Variants in MTUS1 observed in about 807,000 individuals in gnomAD.
The protein encoded by MTUS1 is microtubule associated scaffold protein 1.
Under a neutral mutation model 120.8 loss-of-function variants are expected in MTUS1, and 109 were observed. The observed-to-expected ratio is 0.90, with a 90% confidence interval of 0.77 to 1.06. The LOEUF (loss-of-function observed/expected upper bound fraction) is 1.06, where lower values mean the gene tolerates loss of function less well. Among genes scored for constraint, MTUS1 ranks in the 50% least tolerant of loss-of-function variants. The pLI is 0.00. For missense variants in MTUS1, 2,210 were observed against 1,486.3 expected (o/e 1.49, Z -8.01); for synonymous variants, 737 against 550.5 (o/e 1.34, Z -4.74).
chr8:17,703,238 C>A (rs767551195), intron 6 of MTUS1, among the ~76,000 whole-genome samples: 34 of 152,136 alleles, frequency 2.2e-4, no homozygotes, highest in Non-Finnish European at 8.8e-5. Context: ...TCGTTAAATT[C>A]TTTTCCTAGC....
rs1373455614 is a variant in MTUS1, at chr8:17,754,883, CT to C, written c.924del (p.Glu309SerfsTer29). 1 of 1,614,222 alleles carries C rather than the reference CT, an allele frequency of 6.2e-7. No homozygotes were observed. Among genetic ancestry groups the C allele is most frequent in the South Asian group, 1.1e-5 (1 of 91,090 alleles). On this transcript the variant is annotated frameshift_variant, in exon 2 of 15. Coordinates refer to ENST00000693296, the MANE Select transcript of MTUS1 (RefSeq NM_001363059.2). LOFTEE classifies it high-confidence loss of function. ...GMEVPNDSALQEFFCLSHDES... is the reference protein window; with the variant it reads ...GMEVPNDSALXEFFCLSHDES... ...TCATCATGGGATAAACAAAAGAACT[CT>C]TGTAATGCAGAATCATTGGGGACTT...
intron 1 of MTUS1, among the ~76,000 whole-genome samples, chr8:17,771,038 T>C (rs1020373460): frequency 1.2e-4 from 19 of 152,276 alleles, no homozygotes; most frequent in East Asian, 3.9e-4. Flanking sequence ...TATAATATAA[T>C]TGGAATTTAG....
intron 1 of MTUS1, among the ~76,000 whole-genome samples, chr8:17,780,312 C>T (rs930931536): frequency 1.2e-4 from 18 of 152,224 alleles, no homozygotes; most frequent in African/African-American, 4.3e-4. Flanking sequence ...ATCAGAAGCA[C>T]ATGCCAGCAA....
At chr8:17,708,590 A>G (rs1820624453) in intron 6 of MTUS1, among the ~76,000 whole-genome samples, 1 of 152,232 alleles carries the variant, frequency 6.6e-6, no homozygotes, top group African/African-American at 2.4e-5. Flanking sequence ...CAGTTTTCTG[A>G]TAATGGTTAA....
chr8:17,725,899 T>C (rs146350653), intron 3 of MTUS1, among the ~76,000 whole-genome samples: 1,827 of 152,308 alleles, frequency 0.012, 27 homozygotes, highest in Middle Eastern at 0.041. Flanking sequence ...ATCTATAGGA[T>C]GGTGATCGTA....
chr8:17,707,924 C>T (rs73204279), intron 6 of MTUS1, among the ~76,000 whole-genome samples: 6,461 of 152,214 alleles, frequency 0.042, 162 homozygotes, highest in Middle Eastern at 0.066. Flanking sequence ...AGAATTAGAC[C>T]TTCTATCTCA....
At chr8:17,679,505 TTATTTATTTA>T (rs1256997890) in intron 7 of MTUS1, among the ~76,000 whole-genome samples, 2 of 92,042 alleles carry the variant, frequency 2.2e-5, no homozygotes, top group Non-Finnish European at 5.2e-5. Context: ...ATTTATTTAT[TTATTTATTTA>T]TTTTTTGAGA....
chr8:17,736,078 G>A (rs935227556), intron 3 of MTUS1, among the ~76,000 whole-genome samples: 2 of 152,144 alleles, frequency 1.3e-5, no homozygotes, highest in African/African-American at 4.8e-5. Flanking sequence ...CTAGTACACT[G>A]CCCAACACAG....
At chr8:17,715,973 T>C (rs2131042998) in intron 4 of MTUS1, 72 bp from the exon 5 acceptor site, 2 of 1,456,186 alleles carry the variant, frequency 1.4e-6, no homozygotes, top group Non-Finnish European at 1.9e-6. Context: ...TTTATTCCTT[T>C]GTCCTTGAAC....
intron 8 of MTUS1, among the ~76,000 whole-genome samples, chr8:17,668,393 G>C (rs565143601): frequency 9.9e-5 from 15 of 152,242 alleles, no homozygotes; most frequent in Non-Finnish European, 2.2e-4. Context: ...GAACTCTAAA[G>C]ATCATAATCA....
At position 17,785,959 on chromosome 8, in the gene MTUS1, C is replaced by A. The variant is rs140603228; in HGVS notation, c.-155+15102G>T. On this transcript the variant is annotated intron_variant, in intron 1 of 14. Transcript: ENST00000693296. ...CAGTTCAAGACCAGCCCGGGCGACA[C>A]AGTGAGACTCTGTCCCTAAAAAATT... is the stretch of plus-strand genomic sequence containing the variant. Among the ~76,000 whole-genome samples the A allele has an allele frequency of 6.2e-3, 947 of 152,220 alleles. 5 individuals carry two copies. The highest frequency in any genetic ancestry group is 0.01 in the Non-Finnish European group (710 of 68,010).
At chr8:17,649,563 G>A (rs947137514) in intron 13 of MTUS1, among the ~76,000 whole-genome samples, 22 of 152,134 alleles carry the variant, frequency 1.4e-4, no homozygotes, top group African/African-American at 5.1e-4. Context: ...TCTTATGCAG[G>A]TGAAGATCCA....
intron 6 of MTUS1, among the ~76,000 whole-genome samples, chr8:17,705,090 C>G (rs1819889888): frequency 6.6e-6 from 1 of 152,130 alleles, no homozygotes; most frequent in South Asian, 2.1e-4. Context: ...TTCAACGATT[C>G]TTCTGCCTCA....
At chr8:17,663,644 G>C (rs112930901) in intron 8 of MTUS1, among the ~76,000 whole-genome samples, 1 of 152,012 alleles carries the variant, frequency 6.6e-6, no homozygotes, top group Non-Finnish European at 1.5e-5. Flanking sequence ...CACCCAGGCT[G>C]GAGTGTAGTG....
At chr8:17,679,356 C>CGTGT (rs10596467) in intron 7 of MTUS1, among the ~76,000 whole-genome samples, 3 of 112,588 alleles carry the variant, frequency 2.7e-5, no homozygotes, top group African/African-American at 5.6e-5. Flanking sequence ...TGTGCGCGCG[C>CGTGT]GTGTGTGTGT....
chr8:17,680,461 T>A lies in MTUS1; in HGVS notation c.2838+3867A>T, dbSNP rs1347600120. On this transcript the variant is annotated intron_variant, in intron 7 of 14. Coordinates refer to ENST00000693296, the MANE Select transcript of MTUS1 (RefSeq NM_001363059.2). The stretch of plus-strand genomic sequence containing the variant: ...ACTGGGTGACAGAGCAAGGCCACTG[T>A]CGCAAAAAAAAAAAAAAAAAAAAAA... Among the ~76,000 whole-genome samples the A allele has an allele frequency of 1.9e-4, 7 of 36,044 alleles. No homozygotes were observed. In the Admixed American group the frequency reaches 4.0e-3, roughly 21 times the overall value. 23.6% of individuals were successfully genotyped at this position (36,044 alleles called of 152,430 possible). A position where few individuals can be genotyped will look rare whatever the true frequency, so the allele number is the denominator to read the frequency against.
Position 17,755,062 on chromosome 8 carries a change from A to T in MTUS1, c.746T>A (p.Val249Glu). 6 of 1,613,814 alleles carry T rather than the reference A, an allele frequency of 3.7e-6. No homozygotes were observed. Among genetic ancestry groups the T allele is most frequent in the Non-Finnish European group, 4.2e-6 (5 of 1,180,036 alleles). ...AACAAAAACCTCACTTTGCATCACC[A>T]CATCAGAAAATGCTGTGTAAGTCAT... ...QDMTYTAFSD[V>E]VMQSEVFVSD... The change falls in exon 2 of 15, where the codon GTG (valine) becomes GAG (glutamate). Residue 249 changes from valine (V) to glutamate (E), a missense_variant. By Grantham distance (121) the Val-to-Glu change is moderately radical. Transcript: ENST00000693296.
rs74978889 is a variant in MTUS1, at chr8:17,750,318, G to C, written c.2091+3399C>G. ...AACAAAGATCTTCTGTCTCTGGCTAGGTTAAATTAAAGCTGGCTAAATTCA... is the reference window on the plus strand; with the variant it reads ...AACAAAGATCTTCTGTCTCTGGCTACGTTAAATTAAAGCTGGCTAAATTCA... On this transcript the variant is annotated intron_variant, in intron 2 of 14. Transcript: ENST00000693296. Among the ~76,000 whole-genome samples the C allele has an allele frequency of 1.3e-3, 194 of 152,260 alleles. 3 individuals are homozygous for C. The East Asian group carries it at 0.018, about 14-fold the overall frequency.
At chr8:17,789,098 T>C (rs895089943) in intron 1 of MTUS1, among the ~76,000 whole-genome samples, 4 of 151,820 alleles carry the variant, frequency 2.6e-5, no homozygotes, top group Admixed American at 2.6e-4. Context: ...AATGGCACGA[T>C]CTCAGCTCAC....
Sources: gnomAD v4.1 joint callset for allele counts (sites outside exome capture counted in the v4.1 genomes callset) on GRCh38, gnomAD v4.1.1 for gene constraint, MANE v1.5 for transcripts, NCBI Gene and HGNC (gene_info 2026-07-23, HGNC 2026-07-21) for gene names.